RNF115: variants seen among roughly 807,000 people sequenced by gnomAD.
RNF115 encodes the protein E3 ubiquitin-protein ligase RNF115.
In RNF115, 31 loss-of-function variants were observed where a neutral mutation model predicts 39.2. The observed-to-expected ratio is 0.79, with a 90% CI of 0.59 to 1.07. RNF115 has a LOEUF of 1.07. Ranked by LOEUF, RNF115 falls within the 50% of genes least tolerant of loss-of-function variation. RNF115 has a pLI of 0.00. For synonymous variants in RNF115, 124 were observed against 131.0 expected, an observed-to-expected ratio of 0.95 and a Z score of 0.37; for missense variants, 384 against 381.7, an observed-to-expected ratio of 1.01 and a Z score of -0.05.
chr1:145,764,698 G>T (rs1388362716), intron 4 of RNF115, among the ~76,000 whole-genome samples: 2 of 151,704 alleles, frequency 1.3e-5, no homozygotes, highest in African/African-American at 4.8e-5. Context: ...CACTCGGTCC[G>T]GGAGGGAGGT....
At chr1:145,754,067 C>T (rs950684748) in intron 4 of RNF115, among the ~76,000 whole-genome samples, 10 of 152,140 alleles carry the variant, frequency 6.6e-5, no homozygotes, top group African/African-American at 2.4e-4. Context: ...ATTAATATAA[C>T]AATGGCAATA....
At chr1:145,816,212 C>G (rs1649988445) in intron 1 of RNF115, among the ~76,000 whole-genome samples, 1 of 20,478 alleles carries the variant, frequency 4.9e-5, no homozygotes, top group East Asian at 1.2e-3. Context: ...CACTAAATTG[C>G]TTAGATTAGA....
chr1:145,771,860 G>A lies in RNF115; in HGVS notation c.279C>T (p.Ser93=). The A allele has an allele frequency of 1.2e-6, 2 of 1,614,098 alleles. No individual in the cohort carries two copies. The highest frequency in any genetic ancestry group is 1.7e-5 in the Admixed American group (1 of 60,018). The part of the protein sequence containing the change: ...FFQDFRPFLS[S]SPLDQDNRAN... Reference sequence around the variant, plus strand: ...CTCTATTATCTTGGTCCAGTGGACTGCTACTTAGAAAGGGTCTAAAATCTT... The same window carrying A: ...CTCTATTATCTTGGTCCAGTGGACTACTACTTAGAAAGGGTCTAAAATCTT... The change falls in exon 4 of 9, where the codon AGC becomes AGT. Residue 93 remains serine, a synonymous_variant. Coordinates refer to ENST00000582693, the MANE Select transcript of RNF115 (RefSeq NM_014455.4).
intron 1 of RNF115, among the ~76,000 whole-genome samples, chr1:145,797,392 A>G (rs966503995): frequency 6.6e-6 from 1 of 152,204 alleles, no homozygotes; most frequent in Non-Finnish European, 1.5e-5. Flanking sequence ...AATACCTAAT[A>G]TAAGTGAAAG....
rs587633421 is a variant in RNF115 at position 145,814,567 on chromosome 1, A to T, written c.102+9205T>A. On this transcript the variant is annotated intron_variant, in intron 1 of 8. Coordinates refer to ENST00000582693, the MANE Select transcript of RNF115 (RefSeq NM_014455.4). ...CACTGCACTCCAGCCTGGGTGAAAGAGGGAAACTCCGTTTAAAAAAAAAAA... is the reference window on the plus strand; with the variant it reads ...CACTGCACTCCAGCCTGGGTGAAAGTGGGAAACTCCGTTTAAAAAAAAAAA... Among the ~76,000 whole-genome samples the T allele has an allele frequency of 8.0e-4, 121 of 151,880 alleles. 1 individual carries two copies. The highest frequency in any genetic ancestry group is 2.7e-3 in the African/African-American group (113 of 41,456).
At chr1:145,752,112 C>T (rs1464033190) in intron 5 of RNF115, among the ~76,000 whole-genome samples, 2 of 152,174 alleles carry the variant, frequency 1.3e-5, no homozygotes, top group East Asian at 3.9e-4. Context: ...GACTGAGGTT[C>T]CTTTGAGCAA....
At chr1:145,753,579 A>G (rs1658177383) in intron 4 of RNF115, among the ~76,000 whole-genome samples, 1 of 152,236 alleles carries the variant, frequency 6.6e-6, no homozygotes, top group African/African-American at 2.4e-5. Context: ...GTCACTCTGA[A>G]TACTTAAGAT....
At chr1:145,802,117 G>C (rs1342710297) in intron 1 of RNF115, among the ~76,000 whole-genome samples, 1 of 152,062 alleles carries the variant, frequency 6.6e-6, no homozygotes, top group Admixed American at 6.6e-5. Context: ...ATCTGTAAAA[G>C]AAAAGCATAA....
chr1:145,766,520 A>G (rs1173380462), intron 4 of RNF115, among the ~76,000 whole-genome samples: 1 of 150,302 alleles, frequency 6.7e-6, no homozygotes, highest in Non-Finnish European at 1.5e-5. Context: ...TACACCTCCC[A>G]GACGGGGTGG....
chr1:145,794,662 T>A (rs1197811483), intron 1 of RNF115, among the ~76,000 whole-genome samples: 3 of 151,816 alleles, frequency 2.0e-5, no homozygotes, highest in Non-Finnish European at 1.5e-5. Context: ...CGTGGGTTCT[T>A]GGTCTCACTG....
At chr1:145,797,245 T>C (rs1422317110) in intron 1 of RNF115, among the ~76,000 whole-genome samples, 1 of 152,186 alleles carries the variant, frequency 6.6e-6, no homozygotes, top group Non-Finnish European at 1.5e-5. Flanking sequence ...GGAGATGGAT[T>C]TGAGACTGAG....
chr1:145,784,419 A>T, intron 3 of RNF115, 120 bp downstream of exon 3: 1 of 912,706 alleles, frequency 1.1e-6, no homozygotes, highest in South Asian at 1.4e-5. Context: ...TACGGCCCAC[A>T]TTTTTTCTTA....
intron 3 of RNF115, among the ~76,000 whole-genome samples, chr1:145,777,692 T>C (rs1647946890): frequency 6.6e-6 from 1 of 152,128 alleles, no homozygotes; most frequent in Non-Finnish European, 1.5e-5. Flanking sequence ...GGGAACACTA[T>C]CATAGAGTTT....
chr1:145,819,447 G>A (rs2101616301), intron 1 of RNF115, among the ~76,000 whole-genome samples: 2 of 152,110 alleles, frequency 1.3e-5, no homozygotes, highest in African/African-American at 4.8e-5. Flanking sequence ...GTGAGACCCT[G>A]TCTCAAAAAA....
At chr1:145,767,052 G>A (rs1201585323) in intron 4 of RNF115, among the ~76,000 whole-genome samples, 12 of 145,784 alleles carry the variant, frequency 8.2e-5, no homozygotes, top group East Asian at 4.1e-4. Flanking sequence ...CGGACGGGGC[G>A]GCTGGCAGGG....
intron 1 of RNF115, among the ~76,000 whole-genome samples, chr1:145,808,675 T>G (rs1217820127): frequency 6.6e-6 from 1 of 152,222 alleles, no homozygotes; most frequent in African/African-American, 2.4e-5. Context: ...TTGCACTATA[T>G]CAGCAATCCA....
chr1:145,764,063 G>A (rs1333272367), intron 4 of RNF115, among the ~76,000 whole-genome samples: 3 of 152,150 alleles, frequency 2.0e-5, no homozygotes, highest in African/African-American at 4.8e-5. Flanking sequence ...GCAGGCGCGC[G>A]CCACCACGCC....
chr1:145,789,056 T>G, intron 1 of RNF115, 90 bp from the exon 2 acceptor site: 1 of 799,070 alleles, frequency 1.3e-6, no homozygotes. Flanking sequence ...GTATACAAGC[T>G]GAGGCTCTGA....
chr1:145,764,623 G>C (rs1658680601), intron 4 of RNF115, among the ~76,000 whole-genome samples: 1 of 151,820 alleles, frequency 6.6e-6, no homozygotes, highest in Non-Finnish European at 1.5e-5. Context: ...CGTCTGGGAA[G>C]TGAGGAGCCC....
Sources: gnomAD v4.1 joint callset for allele counts (sites outside exome capture counted in the v4.1 genomes callset) on GRCh38, gnomAD v4.1.1 for gene constraint, MANE v1.5 for transcripts, NCBI Gene and HGNC (gene_info 2026-07-23, HGNC 2026-07-21) for gene names.